INTS8: variants seen among roughly 807,000 people sequenced by gnomAD.
INTS8 encodes the protein protein kaonashi-1.
INTS8 carries 47 observed loss-of-function variants against 138.9 expected under a neutral mutation model. The ratio of observed to expected loss-of-function variants is 0.34; its 90% CI spans 0.27 to 0.43. INTS8 has a LOEUF of 0.43. INTS8 is among the 20% of genes least tolerant of loss of function. The pLI is 1.00. For synonymous variants in INTS8, 392 were observed against 400.9 expected (o/e 0.98, Z 0.27); for missense variants, 996 against 1,173.0 (o/e 0.85, Z 2.20).
chr8:94,847,198 C>T (rs934518704), intron 10 of INTS8, among the ~76,000 whole-genome samples: 19 of 152,116 alleles, frequency 1.2e-4, no homozygotes, highest in African/African-American at 4.3e-4. Context: ...CACCACCATG[C>T]CCAGCTAATT....
intron 16 of INTS8, among the ~76,000 whole-genome samples, chr8:94,864,322 G>A (rs550691517): frequency 2.5e-4 from 38 of 152,252 alleles, no homozygotes; most frequent in African/African-American, 9.1e-4. Flanking sequence ...GAAACCAGGG[G>A]TTCCTGATGG....
chr8:94,838,352 G>C lies in INTS8; in HGVS notation c.862-111G>C, dbSNP rs545529121. Reference sequence around the variant, plus strand: ...GGCGTGAACCGCTGTGCCCAGCCCGGCTTGAATTTTTCGTTAGCATTTCCT... The same window carrying C: ...GGCGTGAACCGCTGTGCCCAGCCCGCCTTGAATTTTTCGTTAGCATTTCCT... On this transcript the variant is annotated intron_variant, in intron 7 of 26. Transcript: ENST00000523731. 435 of 881,948 alleles carry C rather than the reference G, an allele frequency of 4.9e-4. 1 individual carries two copies. The highest frequency in any genetic ancestry group is 4.4e-3 in the Middle Eastern group (12 of 2,708). 54.6% of individuals were successfully genotyped at this position (881,948 alleles called of 1,614,324 possible). A position where few individuals can be genotyped will look rare whatever the true frequency, so the allele number is the denominator to read the frequency against.
At chr8:94,853,422 C>G (rs777810744) in intron 13 of INTS8, among the ~76,000 whole-genome samples, 3 of 152,204 alleles carry the variant, frequency 2.0e-5, no homozygotes, top group Non-Finnish European at 4.4e-5. Flanking sequence ...CAGCTTCATA[C>G]TTAAATAGCC....
At chr8:94,857,071 C>CA in intron 15 of INTS8, 93 bp downstream of exon 15, 1 of 546,628 alleles carries the variant, frequency 1.8e-6, no homozygotes, top group Non-Finnish European at 3.0e-6. Flanking sequence ...AGTTTGTAAT[C>CA]TTTTTTTTTT....
intron 7 of INTS8, among the ~76,000 whole-genome samples, chr8:94,837,276 T>C (rs1028935732): frequency 1.2e-4 from 18 of 152,204 alleles, no homozygotes; most frequent in African/African-American, 4.3e-4. Context: ...ATTTTTACTG[T>C]GTTTATCATT....
Position 94,863,574 on chromosome 8 carries a change from A to G in INTS8, c.2077-1932A>G, listed in dbSNP as rs533479953. Among the ~76,000 whole-genome samples, 6 of 152,342 alleles carry G rather than the reference A, an allele frequency of 3.9e-5. No individual in the cohort carries two copies. In the East Asian group the frequency reaches 9.6e-4, roughly 24 times the overall value. ...TTATATATCCACTTGTCTTCTCTAT[A>G]AGACAATGAACTGCTTCAGGGCAGT... On this transcript the variant is annotated intron_variant, in intron 16 of 26. Transcript: ENST00000523731.
At chr8:94,861,871 A>AGTG (rs1816001627) in intron 16 of INTS8, among the ~76,000 whole-genome samples, 1 of 151,522 alleles carries the variant, frequency 6.6e-6, no homozygotes, top group South Asian at 2.1e-4. Context: ...TGTTATCTTT[A>AGTG]CACTTGCTCG....
chr8:94,864,168 C>CT (rs201888764), intron 16 of INTS8, among the ~76,000 whole-genome samples: 2,408 of 149,552 alleles, frequency 0.016, 40 homozygotes, highest in East Asian at 0.077. Context: ...ATTTATTGAA[C>CT]TTTTTTTTTT....
intron 16 of INTS8, among the ~76,000 whole-genome samples, chr8:94,861,279 T>TTTTTTTTTTTGTG (rs1815966061): frequency 7.9e-6 from 1 of 126,740 alleles, no homozygotes; most frequent in Non-Finnish European, 1.7e-5. Flanking sequence ...TTTTTTTTTT[T>TTTTTTTTTTTGTG]GAGACGGAGT....
rs893625614 is a variant in INTS8 at position 94,881,266 on chromosome 8, G to A, written c.*1032G>A. 1 of 354,490 alleles carries A rather than the reference G, an allele frequency of 2.8e-6. No homozygotes were observed. The allele number at this position is 354,490 out of a possible 1,614,324, so 22.0% of individuals were successfully genotyped here. A position where few individuals can be genotyped will look rare whatever the true frequency, so the allele number is the denominator to read the frequency against. Reference sequence around the variant, plus strand: ...TGTATCACTTAGTATACCCTTTAAGGTAGCACTTATCCAGTCCAAAACTCC... The same window carrying A: ...TGTATCACTTAGTATACCCTTTAAGATAGCACTTATCCAGTCCAAAACTCC... On this transcript the variant is annotated 3_prime_UTR_variant, in exon 27 of 27. Transcript: ENST00000523731.
Position 94,841,501 on chromosome 8 carries a change from A to G in INTS8, c.1028A>G (p.Gln343Arg). 6.3e-7 allele frequency: 1 copy of G among 1,587,490 alleles called. No homozygotes were observed. Among genetic ancestry groups the G allele is most frequent in the Non-Finnish European group, 8.6e-7 (1 of 1,159,806 alleles). The change falls in exon 9 of 27, where the codon CAG (glutamine) becomes CGG (arginine). Residue 343 changes from glutamine (Q) to arginine (R), a missense_variant. Physicochemically the swap from Gln to Arg is conservative, Grantham distance 43. Transcript: ENST00000523731. ...LRSGNYQEVI[Q>R]IFIEDNLTLS... Reference sequence around the variant, plus strand: ...ATGTGTGTGTTCTAGGAGGTAATACAGATTTTCATTGAAGACAACTTAACC... The same window carrying G: ...ATGTGTGTGTTCTAGGAGGTAATACGGATTTTCATTGAAGACAACTTAACC...
At chr8:94,845,253 AT>A (rs1189564180) in intron 10 of INTS8, among the ~76,000 whole-genome samples, 1 of 152,188 alleles carries the variant, frequency 6.6e-6, no homozygotes, top group East Asian at 1.9e-4. Flanking sequence ...CCTACAGTTG[AT>A]TTTTGTGTGA....
At chr8:94,868,322 G>A (rs1816258204) in intron 20 of INTS8, among the ~76,000 whole-genome samples, 2 of 152,094 alleles carry the variant, frequency 1.3e-5, no homozygotes, top group Admixed American at 6.5e-5. Context: ...CAAGCCTTAT[G>A]TTATTACTCT....
At chr8:94,873,579 T>TTC in intron 22 of INTS8, 102 bp downstream of exon 22, 1 of 734,654 alleles carries the variant, frequency 1.4e-6, no homozygotes, top group Non-Finnish European at 2.4e-6. Context: ...AATGTGATCG[T>TTC]AAGTCCCAGG....
At chr8:94,857,914 GA>G (rs1285654194) in intron 15 of INTS8, among the ~76,000 whole-genome samples, 3 of 152,344 alleles carry the variant, frequency 2.0e-5, no homozygotes, top group South Asian at 2.1e-4. Flanking sequence ...TCAGGTGTTT[GA>G]AAGAATCAAA....
intron 5 of INTS8, among the ~76,000 whole-genome samples, chr8:94,831,365 C>T (rs1366407076): frequency 6.6e-6 from 1 of 152,006 alleles, no homozygotes; most frequent in South Asian, 2.1e-4. Flanking sequence ...CCTCCTGCCT[C>T]GCTTGGCCTC....
chr8:94,827,020 G>T lies in INTS8; in HGVS notation c.306-243G>T, dbSNP rs1286961137. 3.9e-5 allele frequency among the ~76,000 whole-genome samples: 6 copies of T among 152,104 alleles called. No homozygotes were observed. The East Asian group carries it at 9.6e-4, about 24-fold the overall frequency. ...CTCAGGAGGCTCAGGCAGGAGAATG[G>T]CATGAACCCGGGAGGCGGAGCTTGC... On this transcript the variant is annotated intron_variant, in intron 2 of 26. Transcript: ENST00000523731.
rs143001750 is a variant in INTS8, at chr8:94,872,486, G to T, written c.2533+484G>T. On this transcript the variant is annotated intron_variant, in intron 21 of 26. Coordinates refer to ENST00000523731, the MANE Select transcript of INTS8 (RefSeq NM_017864.4). ...TGACCTCAGGTGATCTGCCCGCCTC[G>T]GCCTCCCAAATTGTTAGGATTACAG... Among the ~76,000 whole-genome samples the T allele has an allele frequency of 4.8e-3, 733 of 152,234 alleles. 3 individuals carry two copies. The highest frequency in any genetic ancestry group is 0.016 in the African/African-American group (672 of 41,546).
chr8:94,849,782 C>T, intron 11 of INTS8, 134 bp from the exon 12 acceptor site: 2 of 640,994 alleles, frequency 3.1e-6, no homozygotes, highest in Non-Finnish European at 5.1e-6. Context: ...ATTTTAAAAT[C>T]TATTTTAAAA....
Sources: gnomAD v4.1 joint callset for allele counts (sites outside exome capture counted in the v4.1 genomes callset) on GRCh38, gnomAD v4.1.1 for gene constraint, MANE v1.5 for transcripts, NCBI Gene and HGNC (gene_info 2026-07-23, HGNC 2026-07-21) for gene names.